The following PHKB variants were observed in gnomAD, a reference collection of about 807,000 sequenced individuals.
PHKB encodes the protein phosphorylase b kinase regulatory subunit beta.
In PHKB, 122 loss-of-function variants were observed where a neutral mutation model predicts 152.1. The ratio of observed to expected loss-of-function variants is 0.80; its 90% confidence interval spans 0.69 to 0.93. The LOEUF is 0.93. Ranked by LOEUF, PHKB falls within the 40% of genes least tolerant of loss-of-function variation. PHKB has a pLI of 0.00. For synonymous variants in PHKB, 436 were observed against 464.9 expected, an observed-to-expected ratio of 0.94 and a Z score of 0.80; for missense variants, 1,304 against 1,328.4, an observed-to-expected ratio of 0.98 and a Z score of 0.29.
At chr16:47,544,535 G>T (rs927304202) in intron 6 of PHKB, among the ~76,000 whole-genome samples, 2 of 152,184 alleles carry the variant, frequency 1.3e-5, no homozygotes, top group African/African-American at 4.8e-5. Flanking sequence ...TAATAAGTGC[G>T]ATGTGTTGCT....
At chr16:47,656,264 G>A (rs1249634675) in intron 20 of PHKB, among the ~76,000 whole-genome samples, 2 of 152,102 alleles carry the variant, frequency 1.3e-5, no homozygotes, top group Admixed American at 6.5e-5. Flanking sequence ...TGATCCACCC[G>A]CCTCAGCCTC....
chr16:47,483,840 GTA>G (rs1241023335), intron 1 of PHKB, among the ~76,000 whole-genome samples: 2 of 152,204 alleles, frequency 1.3e-5, no homozygotes, highest in Non-Finnish European at 2.9e-5. Flanking sequence ...AGACATCAGA[GTA>G]TAGTAATTTC....
chr16:47,699,052 A>G, intron 30 of PHKB, 177 bp from the exon 31 acceptor site: 1 of 635,702 alleles, frequency 1.6e-6, no homozygotes, highest in Middle Eastern at 4.3e-4. Context: ...TACTAAAAAT[A>G]TCTGTCTTTG....
At chr16:47,521,741 A>G (rs371664693) in intron 6 of PHKB, among the ~76,000 whole-genome samples, 3 of 151,534 alleles carry the variant, frequency 2.0e-5, no homozygotes, top group East Asian at 3.9e-4. Context: ...GTTTCCTTCT[A>G]TTCCTCGTTT....
chr16:47,648,053 G>C (rs71382703), intron 16 of PHKB, among the ~76,000 whole-genome samples: 4,297 of 152,144 alleles, frequency 0.028, 79 homozygotes, highest in Middle Eastern at 0.054. Context: ...AAATAAACAG[G>C]AACATTCACT....
intron 14 of PHKB, among the ~76,000 whole-genome samples, chr16:47,638,277 A>AG (rs1173235133): frequency 6.6e-6 from 1 of 152,230 alleles, no homozygotes; most frequent in Non-Finnish European, 1.5e-5. Flanking sequence ...AATGGGATCT[A>AG]GGGCAACATA....
At chr16:47,565,121 T>C (rs1446518124) in intron 7 of PHKB, 2 of 514,596 alleles carry the variant, frequency 3.9e-6, no homozygotes, top group African/African-American at 3.9e-5. Flanking sequence ...ATTTTCACCA[T>C]CAACGGAGAC....
intron 7 of PHKB, among the ~76,000 whole-genome samples, chr16:47,549,042 G>A (rs1597076407): frequency 6.6e-6 from 1 of 152,132 alleles, no homozygotes; most frequent in South Asian, 2.1e-4. Context: ...TTCATGTGAG[G>A]AATTTTTACA....
chr16:47,541,033 C>G (rs1971048689), intron 6 of PHKB, among the ~76,000 whole-genome samples: 1 of 151,870 alleles, frequency 6.6e-6, no homozygotes, highest in Admixed American at 6.6e-5. Context: ...TTCTAGGGTA[C>G]ATGTGCACAA....
intron 5 of PHKB, among the ~76,000 whole-genome samples, chr16:47,514,443 A>G (rs1970561674): frequency 6.6e-6 from 1 of 152,234 alleles, no homozygotes; most frequent in Non-Finnish European, 1.5e-5. Context: ...CCCTGGAACC[A>G]AAAGCTGGAT....
At chr16:47,484,050 C>CGG (rs1970010218) in intron 1 of PHKB, among the ~76,000 whole-genome samples, 1 of 152,022 alleles carries the variant, frequency 6.6e-6, no homozygotes, top group Non-Finnish European at 1.5e-5. Context: ...TCACAGAAAT[C>CGG]ATACAAAATC....
intron 15 of PHKB, among the ~76,000 whole-genome samples, chr16:47,641,328 T>C (rs1973017406): frequency 6.6e-6 from 1 of 152,224 alleles, no homozygotes; most frequent in South Asian, 2.1e-4. Flanking sequence ...CAGTGTTGCC[T>C]GGGTTGTAGT....
intron 13 of PHKB, among the ~76,000 whole-genome samples, chr16:47,603,313 G>A (rs1972266045): frequency 2.0e-5 from 3 of 152,142 alleles, no homozygotes; most frequent in Admixed American, 1.3e-4. Context: ...AGATTTCCCA[G>A]TTGTTGCACT....
intron 13 of PHKB, 141 bp from the exon 14 acceptor site, chr16:47,610,685 T>C: frequency 1.5e-6 from 1 of 685,232 alleles, no homozygotes; most frequent in African/African-American, 1.8e-5. Flanking sequence ...TAGTATGTGG[T>C]ATATCCTGGT....
chr16:47,681,034 A>G (rs1973843807), intron 26 of PHKB, among the ~76,000 whole-genome samples: 1 of 152,210 alleles, frequency 6.6e-6, no homozygotes. Context: ...TTTACCCAGT[A>G]GTCATTCAGG....
At chr16:47,637,557 G>A (rs1296817339) in intron 14 of PHKB, among the ~76,000 whole-genome samples, 1 of 152,112 alleles carries the variant, frequency 6.6e-6, no homozygotes, top group Non-Finnish European at 1.5e-5. Flanking sequence ...AGAGATAATA[G>A]CTTAAAGCTA....
intron 13 of PHKB, among the ~76,000 whole-genome samples, chr16:47,607,136 C>A (rs992704065): frequency 6.6e-6 from 1 of 152,034 alleles, no homozygotes; most frequent in Admixed American, 6.6e-5. Context: ...TGACTTCTTT[C>A]CTATTATTTT....
Position 47,701,446 on chromosome 16 carries a change from G to T in PHKB, c.*2080G>T, listed in dbSNP as rs1974245416. On this transcript the variant is annotated 3_prime_UTR_variant, in exon 31 of 31. Coordinates refer to ENST00000323584, the MANE Select transcript of PHKB (RefSeq NM_000293.3). The stretch of plus-strand genomic sequence containing the variant: ...GCATTCAGAATCTGTGACACGTATT[G>T]ACTTCATGCTTTGAGATTCAAAATT... 6.6e-6 allele frequency: 1 copy of T among 152,138 alleles called. No individual in the cohort carries two copies. The highest frequency in any genetic ancestry group is 1.5e-5 in the Non-Finnish European group (1 of 68,022). The allele number at this position is 152,138 out of a possible 1,614,324, so 9.4% of individuals were successfully genotyped here. A position where few individuals can be genotyped will look rare whatever the true frequency, so the allele number is the denominator to read the frequency against.
intron 20 of PHKB, among the ~76,000 whole-genome samples, chr16:47,652,318 A>G (rs1250830193): frequency 1.3e-5 from 2 of 150,020 alleles, no homozygotes; most frequent in Non-Finnish European, 3.0e-5. Context: ...CCCATCATCT[A>G]GGTTCTAAGC....
Sources: allele counts gnomAD v4.1 joint callset (sites outside exome capture counted in the v4.1 genomes callset), GRCh38; gene constraint gnomAD v4.1.1; transcripts MANE v1.5; gene names NCBI Gene and HGNC (gene_info 2026-07-23, HGNC 2026-07-21).